Variants in EPS8L2 observed in about 807,000 individuals in gnomAD.
EPS8L2 encodes EPS8 signaling adaptor L2.
EPS8L2 carries 81 observed loss-of-function variants against 99.4 expected under a neutral mutation model. The observed-to-expected ratio is 0.82, with a 90% confidence interval of 0.68 to 0.98. The LOEUF (loss-of-function observed/expected upper bound fraction) is 0.98. EPS8L2 is among the 50% of genes least tolerant of loss of function. The pLI, the probability that EPS8L2 is intolerant of heterozygous loss-of-function variation, is 0.00. For synonymous variants in EPS8L2, 509 were observed against 407.3 expected, an observed-to-expected ratio of 1.25 and a Z score of -3.01; for missense variants, 1,155 against 968.8, an observed-to-expected ratio of 1.19 and a Z score of -2.55.
chr11:712,663 C>T (rs953685258), intron 4 of EPS8L2, among the ~76,000 whole-genome samples: 4 of 152,260 alleles, frequency 2.6e-5, no homozygotes, highest in Non-Finnish European at 5.9e-5. Flanking sequence ...CTGTCCTCCA[C>T]ACCTGCAGAG....
At chr11:725,060 T>G (rs1449926692) in intron 16 of EPS8L2, among the ~76,000 whole-genome samples, 1 of 152,224 alleles carries the variant, frequency 6.6e-6, no homozygotes, top group African/African-American at 2.4e-5. Context: ...CAGAGACCCC[T>G]GTGCCAGGCT....
chr11:711,368 A>C (rs1418375755), intron 4 of EPS8L2, among the ~76,000 whole-genome samples: 4 of 149,858 alleles, frequency 2.7e-5, no homozygotes, highest in Non-Finnish European at 4.4e-5. Flanking sequence ...GACAGGGTCT[A>C]GCTCTGTCAC....
chr11:726,270 G>C, intron 18 of EPS8L2, 34 bp from the exon 19 acceptor site: 1 of 1,585,668 alleles, frequency 6.3e-7, no homozygotes, highest in South Asian at 1.1e-5. Context: ...GCAGGGGCAA[G>C]GCAGCGGCGG....
chr11:720,838 G>A lies in EPS8L2; in HGVS notation c.486G>A (p.Leu162=). Residue 162 remains leucine, a synonymous_variant, in exon 7 of 21, where the codon CTG becomes CTA. Transcript: ENST00000318562. ...GACGCCCGCTTTCCCAGGCAGAGCT[G>A]GTGCACGAGGACATCGAGAGCGCGT... is the stretch of plus-strand genomic sequence containing the variant. ...FFHCDEVEAE[L]VHEDIESALA... The A allele has an allele frequency of 6.5e-7, 1 of 1,542,266 alleles. No individual in the cohort carries two copies. Among genetic ancestry groups the A allele is most frequent in the Non-Finnish European group, 8.7e-7 (1 of 1,146,272 alleles).
chr11:709,769 C>A, intron 3 of EPS8L2, 161 bp downstream of exon 3: 1 of 715,374 alleles, frequency 1.4e-6, no homozygotes, highest in Non-Finnish European at 2.4e-6. Flanking sequence ...CTTCCGAAAG[C>A]TCCTGGCCAC....
intron 1 of EPS8L2, among the ~76,000 whole-genome samples, chr11:708,010 A>G (rs2133494143): frequency 6.6e-6 from 1 of 152,154 alleles, no homozygotes; most frequent in Non-Finnish European, 1.5e-5. Context: ...CCAGCCCCTC[A>G]TGTCAGCGGC....
intron 4 of EPS8L2, among the ~76,000 whole-genome samples, chr11:717,336 C>T (rs1000689247): frequency 6.6e-6 from 1 of 152,198 alleles, no homozygotes; most frequent in Non-Finnish European, 1.5e-5. Context: ...GACATGTAGG[C>T]TGGGTCCAGT....
At chr11:715,049 T>TG (rs1861984020) in intron 4 of EPS8L2, among the ~76,000 whole-genome samples, 2 of 152,138 alleles carry the variant, frequency 1.3e-5, no homozygotes, top group Non-Finnish European at 2.9e-5. Flanking sequence ...AAGACCATTC[T>TG]GGCTAACATG....
rs200166436 is a variant in EPS8L2 at position 722,427 on chromosome 11, C to T, written c.1086C>T (p.Asp362=). Reference sequence around the variant, plus strand: ...TCGTCAACACCTGCAGTGGCCCAGACATCGCACGCTCCGTCTCCTGCCCAC... The same window carrying T: ...TCGTCAACACCTGCAGTGGCCCAGATATCGCACGCTCCGTCTCCTGCCCAC... The part of the protein sequence containing the change: ...DLIVNTCSGP[D]IARSVSCPLL... The change falls in exon 13 of 21, where the codon GAC becomes GAT. Residue 362 remains aspartate (D), a synonymous_variant. Transcript: ENST00000318562. 130 of 1,613,370 alleles carry T rather than the reference C, an allele frequency of 8.1e-5. No individual in the cohort carries two copies. The highest frequency in any genetic ancestry group is 1.0e-4 in the Non-Finnish European group (123 of 1,179,936).
rs930724401 is a variant in EPS8L2, at chr11:722,799, CGAG to C, written c.1340_1341+1del. 6 of 1,573,484 alleles carry C rather than the reference CGAG, an allele frequency of 3.8e-6. No homozygotes were observed. Among genetic ancestry groups the C allele is most frequent in the Non-Finnish European group, 5.2e-6 (6 of 1,163,592 alleles). The stretch of plus-strand genomic sequence containing the variant: ...TGGAGGGGCTGGCGTCTGCCCCCAT[CGAG>C]GAGGTGAGAGCACCAGCAGCCCCCA... On this transcript the variant is annotated inframe_deletion, in exon 14 of 21. Coordinates refer to ENST00000318562, the MANE Select transcript of EPS8L2 (RefSeq NM_022772.4).
intron 17 of EPS8L2, 75 bp from the exon 18 acceptor site, chr11:726,023 G>C (rs1370873329): frequency 7.6e-6 from 10 of 1,308,776 alleles, no homozygotes; most frequent in Non-Finnish European, 1.1e-5. Flanking sequence ...GGATTGGCGG[G>C]GTGGGGAGGT....
chr11:721,423 C>T (rs535861372), intron 9 of EPS8L2, 71 bp downstream of exon 9: 19 of 1,504,226 alleles, frequency 1.3e-5, no homozygotes, highest in Non-Finnish European at 1.6e-5. Context: ...TCCTTGCTGT[C>T]CCTCCGGCCA....
At chr11:709,965 C>T (rs1436448717) in intron 3 of EPS8L2, 2 of 430,410 alleles carry the variant, frequency 4.6e-6, no homozygotes, top group Non-Finnish European at 8.6e-6. Flanking sequence ...CTCTGCCCTT[C>T]CCCAGAGACG....
At chr11:714,343 C>T (rs961758365) in intron 4 of EPS8L2, among the ~76,000 whole-genome samples, 1 of 151,586 alleles carries the variant, frequency 6.6e-6, no homozygotes, top group African/African-American at 2.4e-5. Context: ...AATTCTCCTG[C>T]CTCAGCCTCC....
chr11:721,431 C>T (rs1297448000), intron 9 of EPS8L2, 79 bp downstream of exon 9: 49 of 1,499,860 alleles, frequency 3.3e-5, no homozygotes, highest in Non-Finnish European at 4.2e-5. Context: ...GTCCCTCCGG[C>T]CAGTCCCCAG....
Position 726,424 on chromosome 11 carries a change from C to T in EPS8L2, c.1874C>T (p.Thr625Ile), listed in dbSNP as rs1460332597. ...AGCCAGCCCGTGAGCCAGCCGCTCA[C>T]CTACGAGTCGGGTCCGGACGAGGTC... ...ERSQPVSQPL[T>I]YESGPDEVRA... Residue 625 changes from threonine (T) to isoleucine (I), a missense_variant, in exon 19 of 21, where the codon ACC (threonine) becomes ATC (isoleucine). Transcript: ENST00000318562. The T allele has an allele frequency of 1.9e-6, 3 of 1,602,214 alleles. No homozygotes were observed. The highest frequency in any genetic ancestry group is 8.5e-7 in the Non-Finnish European group (1 of 1,175,628).
chr11:712,712 G>A (rs535217102), intron 4 of EPS8L2, among the ~76,000 whole-genome samples: 11 of 152,320 alleles, frequency 7.2e-5, no homozygotes, highest in African/African-American at 1.4e-4. Context: ...CAGTTTCCTC[G>A]TCTGTACAAT....
chr11:722,493 G>A lies in EPS8L2; in HGVS notation c.1152G>A (p.Leu384=). 2 of 1,613,440 alleles carry A rather than the reference G, an allele frequency of 1.2e-6. No homozygotes were observed. The highest frequency in any genetic ancestry group is 1.7e-6 in the Non-Finnish European group (2 of 1,179,932). ...CCGTGGACTTCCTGCGCGGCCACCT[G>A]GTCCCTAAGGAGATGTCGCTGTGGG... ...RDAVDFLRGH[L]VPKEMSLWES... is the part of the protein sequence containing the mutation. Residue 384 remains leucine, a synonymous_variant, in exon 13 of 21, where the codon CTG becomes CTA. Transcript: ENST00000318562.
At chr11:720,416 C>T in intron 5 of EPS8L2, 181 bp from the exon 6 acceptor site, 2 of 1,145,980 alleles carry the variant, frequency 1.7e-6, no homozygotes, top group African/African-American at 1.5e-5. Flanking sequence ...AGTTTGGAAG[C>T]CGGGGTCAGC....
Sources: allele counts gnomAD v4.1 joint callset (sites outside exome capture counted in the v4.1 genomes callset), GRCh38; gene constraint gnomAD v4.1.1; transcripts MANE v1.5; gene names NCBI Gene and HGNC (gene_info 2026-07-23, HGNC 2026-07-21).